IGSF3: variants seen among roughly 807,000 people sequenced by gnomAD.
IGSF3 encodes the protein immunoglobulin superfamily member 3.
A neutral mutation model predicts 114.4 loss-of-function variants in IGSF3; 23 were observed. The ratio of observed to expected loss-of-function variants is 0.20; its 90% CI spans 0.14 to 0.28. The LOEUF (loss-of-function observed/expected upper bound fraction) is 0.28, where lower values mean the gene tolerates loss of function less well. Ranked by LOEUF, IGSF3 falls within the 10% of genes least tolerant of loss-of-function variation. IGSF3 has a pLI of 1.00. For missense variants in IGSF3, 1,172 were observed against 1,591.5 expected, an observed-to-expected ratio of 0.74 and a Z score of 4.48; for synonymous variants, 571 against 645.2, an observed-to-expected ratio of 0.88 and a Z score of 1.74.
chr1:116,579,006 A>AT lies in IGSF3; in HGVS notation c.3334+385dup, dbSNP rs988447072. ...AATGACAGTGAGGTAGTCAGCCTTC[A>AT]TTTTTTTCCCTTTCCCTTGTGAGTC... On this transcript the variant is annotated intron_variant, in intron 10 of 10. Coordinates refer to ENST00000369486, the MANE Select transcript of IGSF3 (RefSeq NM_001007237.3). The surrounding 1 kb of genome is among the most constrained non-coding windows in gnomAD (Gnocchi z 6.4). Among the ~76,000 whole-genome samples the AT allele has an allele frequency of 6.6e-6, 1 of 152,156 alleles. No homozygotes were observed. The highest frequency in any genetic ancestry group is 1.5e-5 in the Non-Finnish European group (1 of 68,022).
Position 116,606,459 on chromosome 1 carries a change from G to A in IGSF3, c.1222+1483C>T, listed in dbSNP as rs764276439. On this transcript the variant is annotated intron_variant, in intron 5 of 10. Transcript: ENST00000369486. ...AATCCAAGGCATTGTCACCATTACC[G>A]ATGTGATTGTTGTTGTTCTTCGGCA... The A allele has an allele frequency of 6.2e-6, 10 of 1,612,066 alleles. No homozygotes were observed. The Admixed American group carries it at 1.0e-4, about 16-fold the overall frequency.
intron 2 of IGSF3, among the ~76,000 whole-genome samples, chr1:116,621,338 C>T (rs1661409399): frequency 6.6e-6 from 1 of 152,108 alleles, no homozygotes; most frequent in Non-Finnish European, 1.5e-5. Context: ...AATGTGAGAA[C>T]TGACTAATAC....
chr1:116,640,925 T>A (rs533669376), intron 2 of IGSF3, among the ~76,000 whole-genome samples: 1 of 152,344 alleles, frequency 6.6e-6, no homozygotes, highest in East Asian at 1.9e-4. Flanking sequence ...GATATAAGGA[T>A]GAAATGGTGC....
rs554378562 is a variant in IGSF3 at position 116,643,707 on chromosome 1, G to A, written c.43+22577C>T. 7.2e-5 allele frequency among the ~76,000 whole-genome samples: 11 copies of A among 152,328 alleles called. No individual in the cohort carries two copies. The South Asian group carries it at 1.7e-3, about 23-fold the overall frequency. On this transcript the variant is annotated intron_variant, in intron 2 of 10. Transcript: ENST00000369486. Reference sequence around the variant, plus strand: ...CCCATGCTCAGGTGTCTACGGGCACGTCTTGTGTTGTCACAGGTGTAGAAA... The same window carrying A: ...CCCATGCTCAGGTGTCTACGGGCACATCTTGTGTTGTCACAGGTGTAGAAA...
In IGSF3 at chr1:116,636,917, A is replaced by G. The variant is rs1173482781; in HGVS notation, c.44-20460T>C. ...AGCAGATGGGACTGCAATTCACACT[A>G]TTAACTCAAATTCTACTTGACATTC... On this transcript the variant is annotated intron_variant, in intron 2 of 10. Transcript: ENST00000369486. The surrounding 1 kb of genome is among the most constrained non-coding windows in gnomAD (Gnocchi z 4.5). 5.9e-5 allele frequency among the ~76,000 whole-genome samples: 9 copies of G among 152,220 alleles called. No homozygotes were observed. Among genetic ancestry groups the G allele is most frequent in the Non-Finnish European group, 8.8e-5 (6 of 68,032 alleles).
rs559779240 is a variant in IGSF3 at position 116,627,815 on chromosome 1, T to A, written c.44-11358A>T. On this transcript the variant is annotated intron_variant, in intron 2 of 10. Transcript: ENST00000369486. This position sits in a 1 kb window ranked among gnomAD's most constrained non-coding sequence, Gnocchi z 4.7. ...CCTTCTGTCTCCCAACACTAGGCCA[T>A]GGAGACACAAAACTAGAAAATGGGG... Among the ~76,000 whole-genome samples, 1 of 152,178 alleles carries A rather than the reference T, an allele frequency of 6.6e-6. No individual in the cohort carries two copies. The highest frequency in any genetic ancestry group is 2.4e-5 in the African/African-American group (1 of 41,508).
Position 116,588,165 on chromosome 1 carries a change from G to A in IGSF3, c.2440+529C>T, listed in dbSNP as rs1659933964. The stretch of plus-strand genomic sequence containing the variant: ...GCAGAGGTTGAGTGCCACCTGTGAG[G>A]GAGAGGAATAAGGGCTACACCATGG... On this transcript the variant is annotated intron_variant, in intron 8 of 10. Coordinates refer to ENST00000369486, the MANE Select transcript of IGSF3 (RefSeq NM_001007237.3). This position sits in a 1 kb window ranked among gnomAD's most constrained non-coding sequence, Gnocchi z 4.9. 6.6e-6 allele frequency among the ~76,000 whole-genome samples: 1 copy of A among 152,200 alleles called. No homozygotes were observed. The highest frequency in any genetic ancestry group is 2.4e-5 in the African/African-American group (1 of 41,432).
rs1661042771 is a variant in IGSF3, at chr1:116,612,025, T to A, written c.832+1740A>T. Among the ~76,000 whole-genome samples the A allele has an allele frequency of 6.6e-6, 1 of 152,072 alleles. No individual in the cohort carries two copies. The highest frequency in any genetic ancestry group is 1.5e-5 in the Non-Finnish European group (1 of 67,998). ...AGGAATGCAGGGTGAAGTCATCAAC[T>A]TTTTTTTCACTTAGTTTTCCTTTTG... On this transcript the variant is annotated intron_variant, in intron 4 of 10. Transcript: ENST00000369486. The surrounding 1 kb of genome is among the most constrained non-coding windows in gnomAD (Gnocchi z 4.1).
intron 2 of IGSF3, among the ~76,000 whole-genome samples, chr1:116,658,570 A>G (rs1223879915): frequency 6.6e-6 from 1 of 152,048 alleles, no homozygotes; most frequent in Admixed American, 6.6e-5. Context: ...TTACAAATCT[A>G]CACCCTTAGG....
rs1307672969 is a variant in IGSF3 at position 116,575,526 on chromosome 1, G to C, written c.*1786C>G. 6.6e-6 allele frequency: 1 copy of C among 152,322 alleles called. No individual in the cohort carries two copies. Among genetic ancestry groups the C allele is most frequent in the Non-Finnish European group, 1.5e-5 (1 of 68,026 alleles). The allele number at this position is 152,322 out of a possible 1,614,324, so 9.4% of individuals were successfully genotyped here. On this transcript the variant is annotated 3_prime_UTR_variant, in exon 11 of 11. Coordinates refer to ENST00000369486, the MANE Select transcript of IGSF3 (RefSeq NM_001007237.3). The surrounding 1 kb of genome is among the most constrained non-coding windows in gnomAD (Gnocchi z 5.6). ...AAGGATCAGCACAGACACTGGCCTG[G>C]GGAATCCCATGGCCTCCCCTGCAGT...
rs1376866671 is a variant in IGSF3, at chr1:116,612,671, A to G, written c.832+1094T>C. ...CACCTGTACTGCAACTCACCAGGTC[A>G]TTTCCCACAAGCCACACTCACTCAC... On this transcript the variant is annotated intron_variant, in intron 4 of 10. Coordinates refer to ENST00000369486, the MANE Select transcript of IGSF3 (RefSeq NM_001007237.3). The surrounding 1 kb of genome is among the most constrained non-coding windows in gnomAD (Gnocchi z 4.1). Among the ~76,000 whole-genome samples, 2 of 152,244 alleles carry G rather than the reference A, an allele frequency of 1.3e-5. No individual in the cohort carries two copies. The highest frequency in any genetic ancestry group is 2.9e-5 in the Non-Finnish European group (2 of 68,038).
At position 116,628,700 on chromosome 1, in the gene IGSF3, G is replaced by A. The variant is rs2878666; in HGVS notation, c.44-12243C>T. On this transcript the variant is annotated intron_variant, in intron 2 of 10. Coordinates refer to ENST00000369486, the MANE Select transcript of IGSF3 (RefSeq NM_001007237.3). This position sits in a 1 kb window ranked among gnomAD's most constrained non-coding sequence, Gnocchi z 4.2. Reference sequence around the variant, plus strand: ...TGCTTCTGGGGGTTTTCCCAAGCACGTGTTACGTATGATAATAATGGATGG... The same window carrying A: ...TGCTTCTGGGGGTTTTCCCAAGCACATGTTACGTATGATAATAATGGATGG... Among the ~76,000 whole-genome samples the A allele has an allele frequency of 3.9e-5, 6 of 152,192 alleles. No homozygotes were observed. Among genetic ancestry groups the A allele is most frequent in the African/African-American group, 7.2e-5 (3 of 41,424 alleles).
rs559123969 is a variant in IGSF3 at position 116,622,166 on chromosome 1, T to C, written c.44-5709A>G. Among the ~76,000 whole-genome samples, 9 of 152,294 alleles carry C rather than the reference T, an allele frequency of 5.9e-5. No individual in the cohort carries two copies. In the South Asian group the frequency reaches 1.9e-3, roughly 32 times the overall value. ...TTTCCAGTTATGGCCTCTACAATCA[T>C]CAAAGCTCATTCAGCACCATGCTCC... On this transcript the variant is annotated intron_variant, in intron 2 of 10. Coordinates refer to ENST00000369486, the MANE Select transcript of IGSF3 (RefSeq NM_001007237.3).
rs773272536 is a variant in IGSF3 at position 116,579,838 on chromosome 1, G to A, written c.2888C>T (p.Thr963Met). 3.7e-6 allele frequency: 6 copies of A among 1,611,732 alleles called. No homozygotes were observed. Among genetic ancestry groups the A allele is most frequent in the East Asian group, 2.2e-5 (1 of 44,892 alleles). The change falls in exon 10 of 11, where the codon ACG becomes ATG. Residue 963 changes from threonine to methionine, a missense_variant. Transcript: ENST00000369486. The surrounding 1 kb of genome is among the most constrained non-coding windows in gnomAD (Gnocchi z 6.4). ...LQVDTVVPNA[T>M]VSEKAAFQLD... The stretch of plus-strand genomic sequence containing the variant: ...CTGGAAAGCTGCCTTCTCAGAGACC[G>A]TGGCATTGGGGACCACTGTGTCCAC...
At chr1:116,653,394 A>G (rs1254559066) in intron 2 of IGSF3, among the ~76,000 whole-genome samples, 1 of 152,212 alleles carries the variant, frequency 6.6e-6, no homozygotes, top group East Asian at 1.9e-4. Flanking sequence ...TAAATACCAC[A>G]GTCCTCAAGG....
rs1359623763 is a variant in IGSF3 at position 116,624,315 on chromosome 1, C to G, written c.44-7858G>C. On this transcript the variant is annotated intron_variant, in intron 2 of 10. Coordinates refer to ENST00000369486, the MANE Select transcript of IGSF3 (RefSeq NM_001007237.3). This position sits in a 1 kb window ranked among gnomAD's most constrained non-coding sequence, Gnocchi z 4.9. ...TTGGATCGAATTCCTAAGTCTTCGC[C>G]TTCACTGACTTCCCACAGCATGGGC... is the stretch of plus-strand genomic sequence containing the variant. Among the ~76,000 whole-genome samples the G allele has an allele frequency of 6.6e-6, 1 of 152,184 alleles. No individual in the cohort carries two copies. Among genetic ancestry groups the G allele is most frequent in the Non-Finnish European group, 1.5e-5 (1 of 68,036 alleles).
rs1648520264 is a variant in IGSF3 at position 116,649,050 on chromosome 1, C to A, written c.43+17234G>T. On this transcript the variant is annotated intron_variant, in intron 2 of 10. Transcript: ENST00000369486. The surrounding 1 kb of genome is among the most constrained non-coding windows in gnomAD (Gnocchi z 4.5). The stretch of plus-strand genomic sequence containing the variant: ...ACTGTACCATGAAGACCACATACCA[C>A]CCAGACCCAACACAAATAGCTGTCA... Among the ~76,000 whole-genome samples, 1 of 152,210 alleles carries A rather than the reference C, an allele frequency of 6.6e-6. No individual in the cohort carries two copies. Among genetic ancestry groups the A allele is most frequent in the African/African-American group, 2.4e-5 (1 of 41,446 alleles).
rs1660964902 is a variant in IGSF3, at chr1:116,610,270, G to T, written c.833-1939C>A. Among the ~76,000 whole-genome samples, 1 of 152,184 alleles carries T rather than the reference G, an allele frequency of 6.6e-6. No individual in the cohort carries two copies. Among genetic ancestry groups the T allele is most frequent in the African/African-American group, 2.4e-5 (1 of 41,440 alleles). ...AAACACCACTGGAGCTGTGCAAGGG[G>T]TACCCTAGACCTCAGACCTTTCCGT... is the stretch of plus-strand genomic sequence containing the variant. On this transcript the variant is annotated intron_variant, in intron 4 of 10. Coordinates refer to ENST00000369486, the MANE Select transcript of IGSF3 (RefSeq NM_001007237.3). The surrounding 1 kb of genome is among the most constrained non-coding windows in gnomAD (Gnocchi z 4.3).
At chr1:116,639,245 G>A (rs952667899) in intron 2 of IGSF3, among the ~76,000 whole-genome samples, 3 of 152,186 alleles carry the variant, frequency 2.0e-5, no homozygotes, top group South Asian at 2.1e-4. Context: ...GGAAGGGGAG[G>A]GTGGACAGAG....
Sources: gnomAD v4.1 joint callset for allele counts (sites outside exome capture counted in the v4.1 genomes callset) on GRCh38, gnomAD v4.1.1 for gene constraint, Gnocchi (gnomAD v3.1) non-coding constraint, MANE v1.5 for transcripts, NCBI Gene and HGNC (gene_info 2026-07-23, HGNC 2026-07-21) for gene names.